EYS: variants seen among roughly 807,000 people sequenced by gnomAD.
EYS encodes protein eyes shut homolog.
EYS carries 250 observed loss-of-function variants against 282.1 expected under a neutral mutation model. The ratio of observed to expected loss-of-function variants is 0.89; its 90% CI spans 0.80 to 0.98. The LOEUF is 0.98. Ranked by LOEUF, EYS falls within the 50% of genes least tolerant of loss-of-function variation. The pLI is 0.00. For missense variants in EYS, 4,016 were observed against 3,709.0 expected (o/e 1.08, Z -2.15); for synonymous variants, 1,355 against 1,282.9 (o/e 1.06, Z -1.20).
intron 22 of EYS, among the ~76,000 whole-genome samples, chr6:64,656,202 T>C (rs1419866986): frequency 6.7e-6 from 1 of 149,788 alleles, no homozygotes. Flanking sequence ...GAAAAAAAAA[T>C]AAATGCTGCT....
rs559979017 is a variant in EYS, at chr6:63,779,323, G to A, written c.7724-1143C>T. ...AATACAATTAGCCGGGCGTGGTGGC[G>A]GGTGCCTGTAGTCCCAGCTACTCGG... On this transcript the variant is annotated intron_variant, in intron 39 of 42. Coordinates refer to ENST00000503581, the MANE Select transcript of EYS (RefSeq NM_001142800.2). The A allele has an allele frequency of 6.9e-3, 1,051 of 151,574 alleles. 5 individuals are homozygous for A. Among genetic ancestry groups the A allele is most frequent in the Non-Finnish European group, 1.0e-2 (677 of 67,872 alleles). 9.4% of individuals were successfully genotyped at this position (151,574 alleles called of 1,614,324 possible).
chr6:65,507,602 T>A (rs537862647), intron 2 of EYS, among the ~76,000 whole-genome samples: 1 of 152,114 alleles, frequency 6.6e-6, no homozygotes, highest in Non-Finnish European at 1.5e-5. Flanking sequence ...AGTACTTAGA[T>A]ACTCTGCTGT....
At chr6:64,378,921 T>G (rs753391068) in intron 29 of EYS, among the ~76,000 whole-genome samples, 33 of 152,330 alleles carry the variant, frequency 2.2e-4, no homozygotes, top group Admixed American at 5.9e-4. Context: ...GGTTTTTAAT[T>G]ATCAGAAAGC....
intron 15 of EYS, among the ~76,000 whole-genome samples, chr6:64,930,413 T>C (rs1393247147): frequency 6.8e-6 from 1 of 147,946 alleles, no homozygotes; most frequent in East Asian, 2.0e-4. Flanking sequence ...AATTTTGTCA[T>C]GGCTTTGCTT....
intron 22 of EYS, among the ~76,000 whole-genome samples, chr6:64,664,571 C>T (rs1243503786): frequency 6.6e-6 from 1 of 152,138 alleles, no homozygotes; most frequent in East Asian, 1.9e-4. Context: ...TCCTCACCCG[C>T]CCCCAAATTC....
intron 8 of EYS, among the ~76,000 whole-genome samples, chr6:65,378,902 G>A (rs777822996): frequency 6.6e-6 from 1 of 151,998 alleles, no homozygotes; most frequent in Non-Finnish European, 1.5e-5. Context: ...GGGACTAGTG[G>A]AGGGATAACA....
chr6:64,331,843 G>T (rs565052693), intron 29 of EYS, among the ~76,000 whole-genome samples: 1 of 152,306 alleles, frequency 6.6e-6, no homozygotes, highest in African/African-American at 2.4e-5. Flanking sequence ...GCTGCCTCAA[G>T]CCAGAGGCTA....
intron 30 of EYS, among the ~76,000 whole-genome samples, chr6:64,267,396 T>C (rs767300597): frequency 4.1e-4 from 63 of 152,088 alleles, no homozygotes; most frequent in Non-Finnish European, 6.5e-4. Context: ...CCACCCATAC[T>C]TCACCTCTCT....
intron 2 of EYS, among the ~76,000 whole-genome samples, chr6:65,555,381 C>A (rs1768758347): frequency 6.6e-6 from 1 of 152,006 alleles, no homozygotes; most frequent in Non-Finnish European, 1.5e-5. Context: ...CTTCTCTTAT[C>A]TTTTACAATG....
At chr6:64,735,225 A>G (rs1230659481) in intron 22 of EYS, among the ~76,000 whole-genome samples, 4 of 152,112 alleles carry the variant, frequency 2.6e-5, no homozygotes, top group Non-Finnish European at 5.9e-5. Context: ...CTGAGACTAC[A>G]GGCGCCTGCC....
chr6:64,428,307 A>T (rs1254383211), intron 28 of EYS, among the ~76,000 whole-genome samples: 1 of 152,144 alleles, frequency 6.6e-6, no homozygotes, highest in Non-Finnish European at 1.5e-5. Context: ...TAAAATTATA[A>T]ACTATCCACT....
rs183966192 is a variant in EYS, at chr6:65,659,992, T to A, written c.-447-20100A>T. On this transcript the variant is annotated intron_variant, in intron 1 of 42. Transcript: ENST00000503581. ...AGAGAAATTTTCGTGAACTGACTAG[T>A]CACATAAACTGGTTTCTACTATAGT... Among the ~76,000 whole-genome samples, 5 of 151,784 alleles carry A rather than the reference T, an allele frequency of 3.3e-5. No individual in the cohort carries two copies. In the East Asian group the frequency reaches 9.7e-4, roughly 29 times the overall value.
chr6:65,227,400 T>A (rs1277585371), intron 12 of EYS, among the ~76,000 whole-genome samples: 3 of 152,148 alleles, frequency 2.0e-5, no homozygotes, highest in African/African-American at 7.2e-5. Flanking sequence ...GGAGGGCTAT[T>A]ATTTAAAAAT....
chr6:63,840,124 T>C (rs1771914947), intron 36 of EYS, among the ~76,000 whole-genome samples: 1 of 150,928 alleles, frequency 6.6e-6, no homozygotes, highest in Non-Finnish European at 1.5e-5. Context: ...CTCTGCTCAC[T>C]GCAAGCTCTG....
At chr6:64,217,815 A>G (rs1016195151) in intron 31 of EYS, among the ~76,000 whole-genome samples, 6 of 150,842 alleles carry the variant, frequency 4.0e-5, no homozygotes, top group Non-Finnish European at 8.9e-5. Flanking sequence ...GAGTTTATCA[A>G]AGAAGATGAT....
intron 22 of EYS, among the ~76,000 whole-genome samples, chr6:64,686,517 G>A (rs746207614): frequency 2.1e-3 from 310 of 150,952 alleles, no homozygotes; most frequent in Non-Finnish European, 3.8e-3. Context: ...CGAGGCGGGC[G>A]GATCACGAGG....
At chr6:64,235,121 G>A (rs1297512904) in intron 30 of EYS, among the ~76,000 whole-genome samples, 1 of 149,522 alleles carries the variant, frequency 6.7e-6, no homozygotes, top group African/African-American at 2.5e-5. Context: ...TAAGTTTTAG[G>A]GTACATGTGC....
At chr6:64,841,924 T>C (rs551339638) in intron 19 of EYS, among the ~76,000 whole-genome samples, 1 of 152,228 alleles carries the variant, frequency 6.6e-6, no homozygotes, top group East Asian at 1.9e-4. Flanking sequence ...CAGTCCTTTA[T>C]TAAAACCATG....
intron 22 of EYS, among the ~76,000 whole-genome samples, chr6:64,788,889 T>C (rs943393535): frequency 2.5e-4 from 38 of 152,212 alleles, no homozygotes; most frequent in African/African-American, 8.4e-4. Flanking sequence ...TATTTTGTAG[T>C]GTTTGTGGAG....
Sources: allele counts gnomAD v4.1 joint callset (sites outside exome capture counted in the v4.1 genomes callset), GRCh38; gene constraint gnomAD v4.1.1; transcripts MANE v1.5; gene names NCBI Gene and HGNC (gene_info 2026-07-23, HGNC 2026-07-21).